The following EYA1 variants were observed in gnomAD, a reference collection of about 807,000 sequenced individuals.
The protein encoded by EYA1 is protein phosphatase EYA1.
Under a neutral mutation model 82.0 loss-of-function variants are expected in EYA1, and 16 were observed. The ratio of observed to expected loss-of-function variants is 0.20; its 90% CI spans 0.13 to 0.30. The LOEUF is 0.30. EYA1 is among the 10% of genes least tolerant of loss of function. The pLI, the probability that EYA1 is intolerant of heterozygous loss-of-function variation, is 1.00. For synonymous variants in EYA1, 261 were observed against 264.4 expected (o/e 0.99, Z 0.12); for missense variants, 633 against 730.7 (o/e 0.87, Z 1.54).
At chr8:71,453,731 G>A (rs1807605639) in intron 2 of EYA1, among the ~76,000 whole-genome samples, 1 of 152,128 alleles carries the variant, frequency 6.6e-6, no homozygotes, top group African/African-American at 2.4e-5. Context: ...GAGAGACTTT[G>A]TCACCACCAG....
chr8:71,446,357 G>A (rs545976887), intron 2 of EYA1, among the ~76,000 whole-genome samples: 15 of 152,032 alleles, frequency 9.9e-5, no homozygotes, highest in South Asian at 6.2e-4. Context: ...TGACAGTTCC[G>A]CCTTCACACG....
intron 11 of EYA1, among the ~76,000 whole-genome samples, chr8:71,269,424 C>T (rs892560618): frequency 4.6e-5 from 7 of 152,246 alleles, no homozygotes; most frequent in South Asian, 2.1e-4. Flanking sequence ...AAAGAGAACA[C>T]GAAACATCTT....
At chr8:71,398,570 C>T (rs1365662045) in intron 2 of EYA1, among the ~76,000 whole-genome samples, 1 of 152,220 alleles carries the variant, frequency 6.6e-6, no homozygotes, top group Non-Finnish European at 1.5e-5. Context: ...ACTCCAGACC[C>T]TCTTTGCCTC....
intron 1 of EYA1, among the ~76,000 whole-genome samples, chr8:71,544,567 C>A (rs923369903): frequency 6.6e-6 from 1 of 152,198 alleles, no homozygotes; most frequent in African/African-American, 2.4e-5. Context: ...TGCACCAACA[C>A]AATATTTCAA....
chr8:71,393,377 T>C (rs888775900), intron 2 of EYA1, among the ~76,000 whole-genome samples: 1 of 152,162 alleles, frequency 6.6e-6, no homozygotes, highest in Non-Finnish European at 1.5e-5. Context: ...ACATGTGTCA[T>C]GTTGGTGTGC....
At chr8:71,262,447 A>G (rs111921748) in intron 11 of EYA1, among the ~76,000 whole-genome samples, 3,027 of 152,236 alleles carry the variant, frequency 0.02, 89 homozygotes, top group African/African-American at 0.065. Flanking sequence ...AGCAATAAAT[A>G]ATAGCTCTTG....
At chr8:71,343,998 G>T (rs1401511506) in intron 3 of EYA1, among the ~76,000 whole-genome samples, 1 of 151,966 alleles carries the variant, frequency 6.6e-6, no homozygotes, top group Admixed American at 6.6e-5. Flanking sequence ...TACTATATTT[G>T]CTTTTCTGTG....
At chr8:71,499,439 G>T (rs1012876424) in intron 2 of EYA1, among the ~76,000 whole-genome samples, 1 of 152,132 alleles carries the variant, frequency 6.6e-6, no homozygotes, top group Non-Finnish European at 1.5e-5. Context: ...AGGTGCTAAG[G>T]AACTTACTAG....
At chr8:71,214,891 C>T (rs1247151612) in intron 16 of EYA1, among the ~76,000 whole-genome samples, 2 of 152,064 alleles carry the variant, frequency 1.3e-5, no homozygotes, top group African/African-American at 2.4e-5. Flanking sequence ...AAGTATTTTC[C>T]TCCCAACTAT....
chr8:71,467,159 A>G (rs114363074), intron 2 of EYA1, among the ~76,000 whole-genome samples: 8,725 of 152,116 alleles, frequency 0.057, 829 homozygotes, highest in African/African-American at 0.2. Flanking sequence ...AATTATACCT[A>G]TGTTAAAATA....
At chr8:71,247,904 C>G (rs940018306) in intron 11 of EYA1, among the ~76,000 whole-genome samples, 1 of 152,162 alleles carries the variant, frequency 6.6e-6, no homozygotes, top group South Asian at 2.1e-4. Flanking sequence ...GATGGAGCCT[C>G]ACCACATTTA....
At chr8:71,477,071 T>C (rs1437001930) in intron 2 of EYA1, among the ~76,000 whole-genome samples, 1 of 151,924 alleles carries the variant, frequency 6.6e-6, no homozygotes, top group East Asian at 1.9e-4. Context: ...GACCTAAGAT[T>C]AACTAAAAAT....
intron 16 of EYA1, among the ~76,000 whole-genome samples, chr8:71,214,532 C>G (rs756246259): frequency 6.6e-6 from 1 of 152,190 alleles, no homozygotes; most frequent in Non-Finnish European, 1.5e-5. Flanking sequence ...CACATTCAAG[C>G]ACTTAGCAAT....
intron 2 of EYA1, among the ~76,000 whole-genome samples, chr8:71,464,447 C>T (rs910989414): frequency 1.3e-5 from 2 of 152,234 alleles, no homozygotes; most frequent in African/African-American, 2.4e-5. Flanking sequence ...CCATCTTCAT[C>T]GTTTTCCCCA....
intron 2 of EYA1, among the ~76,000 whole-genome samples, chr8:71,371,764 T>G (rs191948516): frequency 6.6e-6 from 1 of 151,998 alleles, no homozygotes. Flanking sequence ...ACTGAAGCCA[T>G]GAAACAAGAT....
intron 9 of EYA1, among the ~76,000 whole-genome samples, chr8:71,291,032 T>C (rs1818939564): frequency 6.6e-6 from 1 of 152,240 alleles, no homozygotes; most frequent in Non-Finnish European, 1.5e-5. Context: ...ACAAGGCATC[T>C]GTGAAAATGA....
chr8:71,298,995 T>C (rs777552714), intron 9 of EYA1, 52 bp downstream of exon 9: 10 of 1,570,104 alleles, frequency 6.4e-6, no homozygotes, highest in Admixed American at 3.3e-5. Context: ...GAAAAATGCA[T>C]TGAAACCATT....
intron 4 of EYA1, among the ~76,000 whole-genome samples, chr8:71,330,851 T>TTGTGTG (rs35043341): frequency 1.9e-4 from 28 of 147,020 alleles, no homozygotes; most frequent in African/African-American, 3.5e-4. Context: ...CCTTGATTTC[T>TTGTGTG]TGTGTGTGTG....
chr8:71,351,279 T>C (rs1226010547), intron 3 of EYA1, among the ~76,000 whole-genome samples: 1 of 152,198 alleles, frequency 6.6e-6, no homozygotes, highest in African/African-American at 2.4e-5. Context: ...AAGCATCCAT[T>C]AGTGTCTTCC....
Sources: allele counts gnomAD v4.1 joint callset (sites outside exome capture counted in the v4.1 genomes callset), GRCh38; gene constraint gnomAD v4.1.1; transcripts MANE v1.5; gene names NCBI Gene and HGNC (gene_info 2026-07-23, HGNC 2026-07-21).